ULK4: variants seen among roughly 807,000 people sequenced by gnomAD.
ULK4 encodes unc-51 like kinase 4.
A neutral mutation model predicts 160.6 loss-of-function variants in ULK4; 133 were observed. The ratio of observed to expected loss-of-function variants is 0.83; its 90% confidence interval spans 0.72 to 0.96. The LOEUF (loss-of-function observed/expected upper bound fraction) is 0.96. Ranked by LOEUF, ULK4 falls within the 40% of genes least tolerant of loss-of-function variation. ULK4 has a pLI of 0.00. For missense variants in ULK4, 1,580 were observed against 1,499.5 expected (o/e 1.05, Z -0.89); for synonymous variants, 534 against 539.8 (o/e 0.99, Z 0.15).
At chr3:41,909,663 C>T (rs1240607855) in intron 11 of ULK4, among the ~76,000 whole-genome samples, 1 of 148,302 alleles carries the variant, frequency 6.7e-6, no homozygotes, top group African/African-American at 2.5e-5. Context: ...TGCAGTAGGC[C>T]GAGATCATGC....
At position 41,440,434 on chromosome 3, in the gene ULK4, C is replaced by T. The variant is rs80185783; in HGVS notation, c.3492+15063G>A. Among the ~76,000 whole-genome samples the T allele has an allele frequency of 8.2e-3, 1,251 of 152,228 alleles. 18 individuals are homozygous for T. Among genetic ancestry groups the T allele is most frequent in the African/African-American group, 0.027 (1,126 of 41,562 alleles). On this transcript the variant is annotated intron_variant, in intron 34 of 36. Transcript: ENST00000301831. The stretch of plus-strand genomic sequence containing the variant: ...TGAAACAATGAAATAGTTTTCCTTT[C>T]TTAGCTTGCTAATGTATATATTACT...
At chr3:41,647,337 G>A (rs1428330671) in intron 30 of ULK4, among the ~76,000 whole-genome samples, 1 of 152,058 alleles carries the variant, frequency 6.6e-6, no homozygotes, top group Non-Finnish European at 1.5e-5. Flanking sequence ...TCTACTTTTG[G>A]TCTTTGATGA....
intron 15 of ULK4, 138 bp downstream of exon 15, chr3:41,896,684 G>T: frequency 1.1e-6 from 1 of 926,490 alleles, no homozygotes; most frequent in Non-Finnish European, 1.5e-6. Flanking sequence ...GGATTAAGCA[G>T]AGGATAATTT....
At chr3:41,953,326 G>A (rs1251399221) in intron 2 of ULK4, among the ~76,000 whole-genome samples, 1 of 65,068 alleles carries the variant, frequency 1.5e-5, no homozygotes, top group Non-Finnish European at 4.0e-5. Flanking sequence ...TTTTGAGATG[G>A]AGTCCCACTC....
intron 17 of ULK4, among the ~76,000 whole-genome samples, chr3:41,883,432 T>G (rs916769131): frequency 2.6e-5 from 4 of 152,202 alleles, no homozygotes; most frequent in African/African-American, 9.6e-5. Flanking sequence ...AAAACTCCAT[T>G]ACCAATTAAG....
intron 30 of ULK4, among the ~76,000 whole-genome samples, chr3:41,628,701 G>A (rs1281295703): frequency 6.6e-6 from 1 of 152,086 alleles, no homozygotes; most frequent in Non-Finnish European, 1.5e-5. Flanking sequence ...GGTGAAACTG[G>A]AGTATGATCT....
At chr3:41,264,399 C>T (rs78000046) in intron 35 of ULK4, among the ~76,000 whole-genome samples, 4,582 of 152,282 alleles carry the variant, frequency 0.03, 197 homozygotes, top group East Asian at 0.21. Context: ...GGTAAGATGC[C>T]GTGTGGCCCT....
At chr3:41,501,129 A>C (rs955801116) in intron 32 of ULK4, among the ~76,000 whole-genome samples, 1 of 152,186 alleles carries the variant, frequency 6.6e-6, no homozygotes, top group African/African-American at 2.4e-5. Flanking sequence ...ATGCGAAACA[A>C]CTGGACTTCA....
intron 14 of ULK4, among the ~76,000 whole-genome samples, chr3:41,897,356 T>C (rs1313486757): frequency 2.0e-5 from 3 of 152,094 alleles, no homozygotes; most frequent in Non-Finnish European, 2.9e-5. Context: ...AACTCTCAAA[T>C]ATTGAGAAAA....
intron 31 of ULK4, among the ~76,000 whole-genome samples, chr3:41,584,477 T>A (rs2030636632): frequency 6.6e-6 from 1 of 152,072 alleles, no homozygotes; most frequent in African/African-American, 2.4e-5. Flanking sequence ...TTAGTAGAGA[T>A]GAGGTCTCAC....
At position 41,804,764 on chromosome 3, in the gene ULK4, G is replaced by C. The variant is rs569968967; in HGVS notation, c.1849-4471C>G. 7.9e-5 allele frequency among the ~76,000 whole-genome samples: 12 copies of C among 152,176 alleles called. No individual in the cohort carries two copies. In the East Asian group the frequency reaches 1.4e-3, roughly 17 times the overall value. ...AATGCTTTCCCCATTGCTTGTTTTT[G>C]TCAGGTTTGTCAAAGATCAGATCGT... On this transcript the variant is annotated intron_variant, in intron 19 of 36. Transcript: ENST00000301831.
intron 31 of ULK4, among the ~76,000 whole-genome samples, chr3:41,589,430 C>CAAAAAAAAAAAAAAAAAA (rs34913730): frequency 1.4e-5 from 1 of 72,112 alleles, no homozygotes; most frequent in Non-Finnish European, 2.7e-5. Context: ...AAGGCCAGGC[C>CAAAAAAAAAAAAAAAAAA]AAAAAAAAAA....
At chr3:41,797,775 C>T (rs747370356) in intron 20 of ULK4, among the ~76,000 whole-genome samples, 1 of 151,948 alleles carries the variant, frequency 6.6e-6, no homozygotes, top group Non-Finnish European at 1.5e-5. Flanking sequence ...GCACAAGAAT[C>T]GCCTGAAACT....
rs752101279 is a variant in ULK4, at chr3:41,514,471, A to G, written c.3227-51218T>C. On this transcript the variant is annotated intron_variant, in intron 32 of 36. Coordinates refer to ENST00000301831, the MANE Select transcript of ULK4 (RefSeq NM_017886.4). ...TGAGACCACAGCAATCTTCTGGGTGAATTCCAAGCCACTTCATTAACAAAT... is the reference window on the plus strand; with the variant it reads ...TGAGACCACAGCAATCTTCTGGGTGGATTCCAAGCCACTTCATTAACAAAT... Among the ~76,000 whole-genome samples, 50 of 152,200 alleles carry G rather than the reference A, an allele frequency of 3.3e-4. 1 individual carries two copies. Among genetic ancestry groups the G allele is most frequent in the Non-Finnish European group, 5.0e-4 (34 of 68,024 alleles).
At chr3:41,563,302 A>G (rs969517165) in intron 32 of ULK4, among the ~76,000 whole-genome samples, 1 of 151,398 alleles carries the variant, frequency 6.6e-6, no homozygotes, top group Non-Finnish European at 1.5e-5. Flanking sequence ...TTTTTCCTTC[A>G]TTTCAACCTT....
intron 27 of ULK4, among the ~76,000 whole-genome samples, chr3:41,702,582 T>A (rs1394580671): frequency 2.0e-5 from 3 of 151,996 alleles, no homozygotes; most frequent in Non-Finnish European, 4.4e-5. Flanking sequence ...CATGATTATG[T>A]TAGAATGGGA....
At chr3:41,301,206 A>T (rs2125710827) in intron 35 of ULK4, among the ~76,000 whole-genome samples, 1 of 152,210 alleles carries the variant, frequency 6.6e-6, no homozygotes, top group East Asian at 1.9e-4. Context: ...ATGGGGAAAA[A>T]TCAATACCCT....
At chr3:41,368,748 T>A (rs886587848) in intron 35 of ULK4, among the ~76,000 whole-genome samples, 15 of 152,378 alleles carry the variant, frequency 9.8e-5, no homozygotes, top group African/African-American at 3.6e-4. Context: ...AATAATATTC[T>A]ATTTTATGGT....
chr3:41,378,818 CAAAAT>C (rs1256986286), intron 35 of ULK4, among the ~76,000 whole-genome samples: 3 of 149,936 alleles, frequency 2.0e-5, no homozygotes, highest in Admixed American at 6.6e-5. Context: ...AAAAATAAAA[CAAAAT>C]AAAATAAAAA....
Sources: gnomAD v4.1 joint callset for allele counts (sites outside exome capture counted in the v4.1 genomes callset) on GRCh38, gnomAD v4.1.1 for gene constraint, MANE v1.5 for transcripts, NCBI Gene and HGNC (gene_info 2026-07-23, HGNC 2026-07-21) for gene names.